TNC: variants seen among roughly 807,000 people sequenced by gnomAD.
The protein encoded by TNC is tenascin C.
Under a neutral mutation model 202.4 loss-of-function variants are expected in TNC, and 109 were observed. The observed-to-expected ratio is 0.54, with a 90% confidence interval of 0.46 to 0.63. The LOEUF (loss-of-function observed/expected upper bound fraction) is 0.63. Among genes scored for constraint, TNC ranks in the 30% least tolerant of loss-of-function variants. TNC has a pLI of 0.00. For synonymous variants in TNC, 1,007 were observed against 1,089.7 expected (o/e 0.92, Z 1.50); for missense variants, 2,756 against 2,833.3 (o/e 0.97, Z 0.62).
intron 1 of TNC, among the ~76,000 whole-genome samples, chr9:115,105,635 C>T (rs1836557037): frequency 6.6e-6 from 1 of 152,086 alleles, no homozygotes; most frequent in Admixed American, 6.6e-5. Context: ...GGAAAAACTG[C>T]AGAAAAATCT....
In TNC at chr9:115,090,851, G is replaced by C; in HGVS notation, c.168C>G (p.Ile56Met). The C allele has an allele frequency of 6.2e-7, 1 of 1,614,216 alleles. No individual in the cohort carries two copies. The highest frequency in any genetic ancestry group is 8.5e-7 in the Non-Finnish European group (1 of 1,180,036). Residue 56 changes from isoleucine to methionine, a missense_variant, in exon 2 of 28, where the codon ATC (isoleucine) becomes ATG (methionine). By Grantham distance (10) the Ile-to-Met change is conservative. Coordinates refer to ENST00000350763, the MANE Select transcript of TNC (RefSeq NM_002160.4). ...QPVVFNHVYN[I>M]KLPVGSQCSV... is the part of the protein sequence containing the mutation. ...AACACTGGGATCCCACTGGCAGCTT[G>C]ATGTTGTAAACGTGGTTAAACACCA...
Position 115,057,325 on chromosome 9 carries a change from G to T in TNC, c.4407C>A (p.Thr1469=). The T allele has an allele frequency of 1.2e-6, 2 of 1,614,132 alleles. No individual in the cohort carries two copies. The highest frequency in any genetic ancestry group is 1.7e-6 in the Non-Finnish European group (2 of 1,180,014). The part of the protein sequence containing the change: ...MATDGIFETF[T]IEIIDSNRLL... Reference sequence around the variant, plus strand: ...ACCTATTGGAATCAATAATTTCAATGGTAAAGGTCTCGAAGATCCCATCGG... The same window carrying T: ...ACCTATTGGAATCAATAATTTCAATTGTAAAGGTCTCGAAGATCCCATCGG... Residue 1469 remains threonine (T), a synonymous_variant, in exon 15 of 28, where the codon ACC becomes ACA. Coordinates refer to ENST00000350763, the MANE Select transcript of TNC (RefSeq NM_002160.4).
chr9:115,047,972 A>AT, intron 16 of TNC, among the ~76,000 whole-genome samples: 1 of 152,298 alleles, frequency 6.6e-6, no homozygotes, highest in African/African-American at 2.4e-5. Context: ...ATCACAAGGG[A>AT]CGATGATATG....
Position 115,081,866 on chromosome 9 carries a change from T to C in TNC, c.2310A>G (p.Gln770=), listed in dbSNP as rs771516201. 24 of 1,604,438 alleles carry C rather than the reference T, an allele frequency of 1.5e-5. 1 individual carries two copies. The South Asian group carries it at 2.6e-4, about 17-fold the overall frequency. Residue 770 remains glutamine, a synonymous_variant, in exon 6 of 28, where the codon CAA becomes CAG. Transcript: ENST00000350763. The stretch of plus-strand genomic sequence containing the variant: ...ACTCTTGCCCAGGAGCTAGACCAGT[T>C]TGCCGGTAAGAGGTCTCTGGCCTCC... ...SLRRPETSYR[Q]TGLAPGQEYE... is the part of the protein sequence containing the mutation.
chr9:115,038,718 T>G (rs922986946), intron 19 of TNC, among the ~76,000 whole-genome samples: 1 of 152,222 alleles, frequency 6.6e-6, no homozygotes, highest in African/African-American at 2.4e-5. Flanking sequence ...TGACAAGAAT[T>G]ATTATTGTTT....
In TNC at chr9:115,035,230, A is replaced by T; in HGVS notation, c.5761T>A (p.Tyr1921Asn). Residue 1921 changes from tyrosine to asparagine, a missense_variant, in exon 22 of 28, where the codon TAT becomes AAT. Coordinates refer to ENST00000350763, the MANE Select transcript of TNC (RefSeq NM_002160.4). ...RASVTGYLLV[Y>N]ESVDGTVKEV... Reference sequence around the variant, plus strand: ...TTGACTGTGCCATCCACTGATTCATAGACCAGCAGGTAACCGGTGACTGAT... The same window carrying T: ...TTGACTGTGCCATCCACTGATTCATTGACCAGCAGGTAACCGGTGACTGAT... 1 of 1,613,174 alleles carries T rather than the reference A, an allele frequency of 6.2e-7. No individual in the cohort carries two copies. The highest frequency in any genetic ancestry group is 8.5e-7 in the Non-Finnish European group (1 of 1,179,620).
At chr9:115,029,529 A>G (rs1447997611) in intron 24 of TNC, 73 bp from the exon 25 acceptor site, 8 of 1,428,528 alleles carry the variant, frequency 5.6e-6, no homozygotes, top group Admixed American at 1.7e-5. Flanking sequence ...GAGAGGAAGG[A>G]GTGTGGCACT....
intron 25 of TNC, among the ~76,000 whole-genome samples, chr9:115,027,718 A>C (rs762725257): frequency 1.3e-5 from 2 of 152,172 alleles, no homozygotes; most frequent in Non-Finnish European, 2.9e-5. Flanking sequence ...TGCATAGAAC[A>C]ATGTTCTCTG....
intron 15 of TNC, among the ~76,000 whole-genome samples, chr9:115,053,670 TC>T (rs557140913): frequency 9.2e-5 from 14 of 152,210 alleles, no homozygotes; most frequent in Non-Finnish European, 1.8e-4. Context: ...CATTTAGTAT[TC>T]TTTTTTAGTA....
intron 1 of TNC, among the ~76,000 whole-genome samples, chr9:115,115,439 A>G (rs1319624762): frequency 6.6e-6 from 1 of 152,148 alleles, no homozygotes; most frequent in Non-Finnish European, 1.5e-5. Flanking sequence ...GACCTTGGTA[A>G]AGTTATTCAG....
intron 10 of TNC, among the ~76,000 whole-genome samples, chr9:115,071,271 G>C (rs1833449867): frequency 6.6e-6 from 1 of 152,190 alleles, no homozygotes; most frequent in South Asian, 2.1e-4. Flanking sequence ...AGGGATGGGG[G>C]AAATAGTCTG....
At position 115,046,477 on chromosome 9, in the gene TNC, G is replaced by A. The variant is rs1156854813; in HGVS notation, c.5058C>T (p.Tyr1686=). 34 of 1,613,980 alleles carry A rather than the reference G, an allele frequency of 2.1e-5. No homozygotes were observed. Among genetic ancestry groups the A allele is most frequent in the Non-Finnish European group, 2.9e-5 (34 of 1,179,994 alleles). Residue 1686 remains tyrosine (Y), a synonymous_variant, in exon 17 of 28, where the codon TAC becomes TAT. Coordinates refer to ENST00000350763, the MANE Select transcript of TNC (RefSeq NM_002160.4). ...DITGLREATE[Y]EIELYGISKG... is the part of the protein sequence containing the mutation. ...TGCTTATTCCATAGAGTTCAATTTCGTATTCAGTAGCCTCTCTGAGACCTG... is the reference window on the plus strand; with the variant it reads ...TGCTTATTCCATAGAGTTCAATTTCATATTCAGTAGCCTCTCTGAGACCTG...
At chr9:115,035,929 C>A in intron 21 of TNC, 169 bp downstream of exon 21, 1 of 750,638 alleles carries the variant, frequency 1.3e-6, no homozygotes, top group Non-Finnish European at 2.1e-6. Flanking sequence ...TAGTGTGTTT[C>A]TTCAGGCCTT....
chr9:115,091,384 TAGAG>T (rs111446439), intron 1 of TNC, among the ~76,000 whole-genome samples: 31 of 152,242 alleles, frequency 2.0e-4, no homozygotes, highest in African/African-American at 7.2e-4. Context: ...GACAGAAAAA[TAGAG>T]AGAAAAAGGT....
chr9:115,110,690 A>T (rs1331272987), intron 1 of TNC, among the ~76,000 whole-genome samples: 2 of 152,242 alleles, frequency 1.3e-5, no homozygotes, highest in Non-Finnish European at 2.9e-5. Flanking sequence ...AGTTTTGGTC[A>T]CACTGACTGT....
chr9:115,046,686 G>A lies in TNC; in HGVS notation c.4853-4C>T, dbSNP rs1279237226. ...TTGTCAACTTCCGGTTCGGCTTCTA[G>A]AGGGAGAGAAAATGGTGGGAGAAGG... is the stretch of plus-strand genomic sequence containing the variant. On this transcript the variant is annotated splice_region_variant and splice_polypyrimidine_tract_variant and intron_variant, in intron 16 of 27. Transcript: ENST00000350763. 6.2e-7 allele frequency: 1 copy of A among 1,611,620 alleles called. No homozygotes were observed. The highest frequency in any genetic ancestry group is 1.3e-5 in the African/African-American group (1 of 74,810).
chr9:115,038,235 G>T lies in TNC; in HGVS notation c.5512+26C>A, dbSNP rs1248833609. On this transcript the variant is annotated intron_variant, in intron 20 of 27. Transcript: ENST00000350763. ...CAGCAGGAAAGACACTCCTTAGAGT[G>T]AGGAGAGACTTGGACAAAACCTTAC... 3 of 1,610,482 alleles carry T rather than the reference G, an allele frequency of 1.9e-6. No homozygotes were observed. The African/African-American group carries it at 4.0e-5, about 22-fold the overall frequency.
rs1158670419 is a variant in TNC at position 115,024,217 on chromosome 9, G to A, written c.6332-81C>T. On this transcript the variant is annotated intron_variant, in intron 26 of 27. Coordinates refer to ENST00000350763, the MANE Select transcript of TNC (RefSeq NM_002160.4). ...GACAGTAAAGGGCAGAACCAGAGGT[G>A]ACAATTGAAAGGTTCTGGGTGTGGG... The A allele has an allele frequency of 7.4e-6, 11 of 1,477,674 alleles. No individual in the cohort carries two copies. In the East Asian group the frequency reaches 2.5e-4, roughly 34 times the overall value. The allele number at this position is 1,477,674 out of a possible 1,614,324, so 91.5% of individuals were successfully genotyped here. A position where few individuals can be genotyped will look rare whatever the true frequency, so the allele number is the denominator to read the frequency against.
rs978750402 is a variant in TNC, at chr9:115,026,307, C to A, written c.6331+227G>T. On this transcript the variant is annotated intron_variant, in intron 26 of 27. Coordinates refer to ENST00000350763, the MANE Select transcript of TNC (RefSeq NM_002160.4). ...TGAAAGATGGTCATTAGAAATCAAT[C>A]CTGATTGCCCTGATTCCCAACATAC... 8.2e-4 allele frequency among the ~76,000 whole-genome samples: 125 copies of A among 152,044 alleles called. 2 individuals are homozygous for A. Among genetic ancestry groups the A allele is most frequent in the Non-Finnish European group, 1.2e-4 (8 of 68,024 alleles).
Sources: allele counts gnomAD v4.1 joint callset (sites outside exome capture counted in the v4.1 genomes callset), GRCh38; gene constraint gnomAD v4.1.1; transcripts MANE v1.5; gene names NCBI Gene and HGNC (gene_info 2026-07-23, HGNC 2026-07-21).